Variants in RELN observed in about 807,000 individuals in gnomAD.
RELN encodes reelin.
In RELN, 108 loss-of-function variants were observed where a neutral mutation model predicts 427.6. The observed-to-expected ratio is 0.25, with a 90% CI of 0.22 to 0.30. RELN has a LOEUF of 0.30. Among genes scored for constraint, RELN ranks in the 10% least tolerant of loss-of-function variants. The pLI is 1.00. For missense variants in RELN, 3,715 were observed against 4,302.8 expected, an observed-to-expected ratio of 0.86 and a Z score of 3.82; for synonymous variants, 1,524 against 1,513.4, an observed-to-expected ratio of 1.01 and a Z score of -0.16.
intron 22 of RELN, among the ~76,000 whole-genome samples, chr7:103,605,876 C>T (rs2117277374): frequency 2.0e-5 from 3 of 152,206 alleles, no homozygotes; most frequent in Middle Eastern, 6.8e-3. Flanking sequence ...TAGGATAATA[C>T]CAGGATTCAC....
chr7:103,805,024 A>C (rs1251614445), intron 3 of RELN, among the ~76,000 whole-genome samples: 1 of 152,010 alleles, frequency 6.6e-6, no homozygotes, highest in African/African-American at 2.4e-5. Flanking sequence ...TCTATTACAT[A>C]TGCATTATAT....
rs553600383 is a variant in RELN at position 103,742,530 on chromosome 7, C to T, written c.656+6896G>A. Among the ~76,000 whole-genome samples, 168 of 152,122 alleles carry T rather than the reference C, an allele frequency of 1.1e-3. 1 individual carries two copies. The highest frequency in any genetic ancestry group is 1.8e-3 in the Non-Finnish European group (119 of 68,000). On this transcript the variant is annotated intron_variant, in intron 6 of 64. Coordinates refer to ENST00000428762, the MANE Select transcript of RELN (RefSeq NM_005045.4). ...TTAAAAGCTTTGAAAAAAAATCAGA[C>T]GAATGGATAACTAGAATAACCAATG...
intron 2 of RELN, among the ~76,000 whole-genome samples, chr7:103,872,562 C>T (rs1794373677): frequency 1.5e-5 from 2 of 133,874 alleles, no homozygotes; most frequent in African/African-American, 5.3e-5. Context: ...GATTTATAGT[C>T]ATTTGGGTAT....
chr7:103,878,602 T>G (rs1161778468), intron 2 of RELN, among the ~76,000 whole-genome samples: 1 of 151,952 alleles, frequency 6.6e-6, no homozygotes, highest in African/African-American at 2.4e-5. Context: ...TCTGGCACAC[T>G]GATGGGAATG....
chr7:103,940,471 T>C (rs981997328), intron 1 of RELN, among the ~76,000 whole-genome samples: 1 of 152,228 alleles, frequency 6.6e-6, no homozygotes, highest in African/African-American at 2.4e-5. Context: ...ACGTGGTTAC[T>C]GAAAGTAATC....
At chr7:103,598,765 C>G (rs1831598106) in intron 24 of RELN, among the ~76,000 whole-genome samples, 1 of 152,002 alleles carries the variant, frequency 6.6e-6, no homozygotes, top group Non-Finnish European at 1.5e-5. Context: ...TGTTTGGTGA[C>G]CTGAAATGCT....
intron 42 of RELN, among the ~76,000 whole-genome samples, chr7:103,544,507 G>A (rs1830247039): frequency 6.6e-6 from 1 of 152,084 alleles, no homozygotes; most frequent in African/African-American, 2.4e-5. Flanking sequence ...TTACAGGCAT[G>A]AGCCACTGCA....
intron 7 of RELN, 38 bp downstream of exon 7, chr7:103,728,073 C>T (rs1460114210): frequency 1.9e-6 from 3 of 1,598,810 alleles, no homozygotes; most frequent in Non-Finnish European, 2.6e-6. Flanking sequence ...TCAGTAAATA[C>T]TATAATGGAA....
chr7:103,635,329 T>C, intron 19 of RELN, 96 bp downstream of exon 19: 6 of 1,398,722 alleles, frequency 4.3e-6, no homozygotes, highest in Non-Finnish European at 6.0e-6. Context: ...CATCTGTCAA[T>C]GGAAAAATAT....
chr7:103,791,857 T>C (rs1792169745), intron 3 of RELN, among the ~76,000 whole-genome samples: 1 of 152,120 alleles, frequency 6.6e-6, no homozygotes. Context: ...ATCCAGTATA[T>C]ATGAAGAACT....
chr7:103,712,295 CTT>C lies in RELN; in HGVS notation c.805+10843_805+10844del, dbSNP rs570218185. 3.3e-3 allele frequency among the ~76,000 whole-genome samples: 501 copies of C among 152,234 alleles called. 3 individuals carry two copies. The highest frequency in any genetic ancestry group is 0.012 in the African/African-American group (483 of 41,536). ...GAAGTTTCTGAAATTCACAAATAAA[CTT>C]TGTCTGTTCTTTCCATCCCTCTTGA... On this transcript the variant is annotated intron_variant, in intron 8 of 64. Transcript: ENST00000428762.
chr7:103,673,452 A>G (rs558026014), intron 11 of RELN, among the ~76,000 whole-genome samples: 2 of 152,092 alleles, frequency 1.3e-5, no homozygotes, highest in South Asian at 2.1e-4. Context: ...TCATGTTGCA[A>G]TCTTCTGCGT....
chr7:103,678,956 C>T (rs1182796285), intron 11 of RELN, among the ~76,000 whole-genome samples: 1 of 152,116 alleles, frequency 6.6e-6, no homozygotes, highest in Non-Finnish European at 1.5e-5. Flanking sequence ...GCAGAGAAAA[C>T]AGAACGCATC....
chr7:103,756,035 A>G (rs1337460851), intron 4 of RELN, among the ~76,000 whole-genome samples: 1 of 152,224 alleles, frequency 6.6e-6, no homozygotes, highest in African/African-American at 2.4e-5. Flanking sequence ...AATATTTACT[A>G]TGCAATACAA....
intron 1 of RELN, among the ~76,000 whole-genome samples, chr7:103,938,862 T>C (rs1449000765): frequency 6.6e-6 from 1 of 152,156 alleles, no homozygotes; most frequent in African/African-American, 2.4e-5. Flanking sequence ...TTGAAAAAGG[T>C]GATCATGAAG....
chr7:103,657,771 G>C (rs983506262), intron 12 of RELN, among the ~76,000 whole-genome samples: 1 of 152,052 alleles, frequency 6.6e-6, no homozygotes, highest in African/African-American at 2.4e-5. Context: ...CTTCTACAGG[G>C]AGATATGGAT....
Position 103,472,823 on chromosome 7 carries a change from G to A in RELN, c.10372C>T (p.Arg3458Ter), listed in dbSNP as rs866898263. ...FYNRRRRSLR[R>*]YP ...AACTTTTTGATTCTTCATGGGTATCGCCTAAGTGACCTTCGTCTTCTGTTG... is the reference window on the plus strand; with the variant it reads ...AACTTTTTGATTCTTCATGGGTATCACCTAAGTGACCTTCGTCTTCTGTTG... Residue 3458 changes from arginine to a stop codon, truncating the protein, a stop_gained, in exon 65 of 65, where the codon CGA becomes TGA. Coordinates refer to ENST00000428762, the MANE Select transcript of RELN (RefSeq NM_005045.4). LOFTEE classifies it high-confidence loss of function. The A allele has an allele frequency of 5.0e-6, 8 of 1,612,756 alleles. No homozygotes were observed. Among genetic ancestry groups the A allele is most frequent in the Admixed American group, 1.7e-5 (1 of 59,972 alleles).
At chr7:103,552,823 T>G (rs1163795380) in intron 40 of RELN, among the ~76,000 whole-genome samples, 1 of 152,258 alleles carries the variant, frequency 6.6e-6, no homozygotes, top group South Asian at 2.1e-4. Flanking sequence ...TTAAAGGTGC[T>G]AAAGATGTCA....
intron 3 of RELN, among the ~76,000 whole-genome samples, chr7:103,794,854 G>T (rs540453625): frequency 1.3e-5 from 2 of 152,244 alleles, no homozygotes; most frequent in African/African-American, 4.8e-5. Flanking sequence ...TCCCCTGGGA[G>T]CATAGGTAAA....
Sources: gnomAD v4.1 joint callset for allele counts (sites outside exome capture counted in the v4.1 genomes callset) on GRCh38, gnomAD v4.1.1 for gene constraint, MANE v1.5 for transcripts, NCBI Gene and HGNC (gene_info 2026-07-23, HGNC 2026-07-21) for gene names.